Variants in PGF observed in about 807,000 individuals in gnomAD.
PGF encodes the protein placenta growth factor.
In PGF, 11 loss-of-function variants were observed where a neutral mutation model predicts 25.3. That is an observed-to-expected ratio of 0.43 (90% confidence interval 0.27 to 0.72). The LOEUF is 0.72. PGF is among the 30% of genes least tolerant of loss of function. PGF has a pLI of 0.18. For missense variants in PGF, 230 were observed against 234.9 expected, an observed-to-expected ratio of 0.98 and a Z score of 0.14; for synonymous variants, 105 against 97.9, an observed-to-expected ratio of 1.07 and a Z score of -0.43.
chr14:74,950,819 C>T lies in PGF; in HGVS notation c.119-1266G>A, dbSNP rs1027751029. Among the ~76,000 whole-genome samples, 1 of 152,270 alleles carries T rather than the reference C, an allele frequency of 6.6e-6. No homozygotes were observed. The highest frequency in any genetic ancestry group is 3.4e-3 in the Middle Eastern group (1 of 292). On this transcript the variant is annotated intron_variant, in intron 2 of 6. Coordinates refer to ENST00000555567, the MANE Select transcript of PGF (RefSeq NM_002632.6). The surrounding 1 kb of genome is among the most constrained non-coding windows in gnomAD (Gnocchi z 4.1). ...CAGAGACCATGGACAGAGAAACACC[C>T]CCAGGCCTGGGTCATCCTGCTCTGC...
intron 4 of PGF, chr14:74,948,217 C>T (rs566171987): frequency 7.9e-4 from 250 of 315,464 alleles, no homozygotes; most frequent in African/African-American, 4.9e-3. Flanking sequence ...CGACACGCAC[C>T]GAACCCCTGC....
intron 3 of PGF, among the ~76,000 whole-genome samples, chr14:74,949,086 C>G (rs1386707017): frequency 6.6e-6 from 1 of 152,218 alleles, no homozygotes; most frequent in Non-Finnish European, 1.5e-5. Flanking sequence ...TCAACAGGGA[C>G]TTTATACAAG....
chr14:74,954,187 C>A lies in PGF; in HGVS notation c.76-241G>T, dbSNP rs1566860095. 5.4e-6 allele frequency: 3 copies of A among 560,076 alleles called. No homozygotes were observed. The East Asian group carries it at 9.0e-5, about 17-fold the overall frequency. 34.7% of individuals were successfully genotyped at this position (560,076 alleles called of 1,614,324 possible). A position where few individuals can be genotyped will look rare whatever the true frequency, so the allele number is the denominator to read the frequency against. On this transcript the variant is annotated intron_variant, in intron 1 of 6. Coordinates refer to ENST00000555567, the MANE Select transcript of PGF (RefSeq NM_002632.6). The stretch of plus-strand genomic sequence containing the variant: ...TTGGAAAAGGATGGGAGGCTAGAAG[C>A]TTTTGGAGACCCTTGGCCTGCTGCA...
chr14:74,946,503 G>T, intron 4 of PGF, 95 bp from the exon 5 acceptor site: 2 of 1,228,494 alleles, frequency 1.6e-6, no homozygotes, highest in Non-Finnish European at 2.3e-6. Context: ...GACATCCCCA[G>T]TCCTGGTCCT....
Position 74,953,265 on chromosome 14 carries a change from C to T in PGF, c.118+639G>A, listed in dbSNP as rs533715787. 1.2e-4 allele frequency among the ~76,000 whole-genome samples: 19 copies of T among 152,312 alleles called. No individual in the cohort carries two copies. The highest frequency in any genetic ancestry group is 4.6e-4 in the Admixed American group (7 of 15,306). On this transcript the variant is annotated intron_variant, in intron 2 of 6. Transcript: ENST00000555567. This position sits in a 1 kb window ranked among gnomAD's most constrained non-coding sequence, Gnocchi z 5.4. ...AGCGGTGGTGTGTGGCCACTTTGCA[C>T]GTCTTGGAGAGGCAGGGAGGGAGGA...
At chr14:74,942,796 CT>C in intron 6 of PGF, 63 bp from the exon 7 acceptor site, 3 of 1,518,322 alleles carry the variant, frequency 2.0e-6, no homozygotes, top group African/African-American at 1.4e-5. Context: ...CGGTCTCCTC[CT>C]ATGGAGGAGG....
chr14:74,955,131 G>T lies in PGF; in HGVS notation c.75+37C>A. The T allele has an allele frequency of 7.9e-7, 1 of 1,272,170 alleles. No homozygotes were observed. Among genetic ancestry groups the T allele is most frequent in the Non-Finnish European group, 1.1e-6 (1 of 947,476 alleles). The allele number at this position is 1,272,170 out of a possible 1,614,324, so 78.8% of individuals were successfully genotyped here. ...CATGCTTCCAGTGCTGGGATGGGGA[G>T]GTCTGGGGAGCCAGGCTAGGTGGGG... On this transcript the variant is annotated intron_variant, in intron 1 of 6. Transcript: ENST00000555567. This position sits in a 1 kb window ranked among gnomAD's most constrained non-coding sequence, Gnocchi z 4.1.
At chr14:74,951,567 A>C (rs1370474851) in intron 2 of PGF, among the ~76,000 whole-genome samples, 1 of 152,224 alleles carries the variant, frequency 6.6e-6, no homozygotes, top group African/African-American at 2.4e-5. Context: ...GCAGCAGAGA[A>C]GGGGCACCCC....
chr14:74,942,538 C>A lies in PGF; in HGVS notation c.*168G>T. The A allele has an allele frequency of 1.5e-6, 1 of 684,372 alleles. No homozygotes were observed. The highest frequency in any genetic ancestry group is 3.0e-5 in the East Asian group (1 of 33,424). The allele number at this position is 684,372 out of a possible 1,614,324, so 42.4% of individuals were successfully genotyped here. A position where few individuals can be genotyped will look rare whatever the true frequency, so the allele number is the denominator to read the frequency against. On this transcript the variant is annotated 3_prime_UTR_variant, in exon 7 of 7. Coordinates refer to ENST00000555567, the MANE Select transcript of PGF (RefSeq NM_002632.6). ...CTCACGTTGTTGAAGGCACTGAATTCCTGAGGGTCCTGTCCTTCCCTGCCC... is the reference window on the plus strand; with the variant it reads ...CTCACGTTGTTGAAGGCACTGAATTACTGAGGGTCCTGTCCTTCCCTGCCC...
chr14:74,952,392 G>C (rs1288663145), intron 2 of PGF, among the ~76,000 whole-genome samples: 1 of 152,206 alleles, frequency 6.6e-6, no homozygotes, highest in East Asian at 1.9e-4. Flanking sequence ...ACTTGGTTCT[G>C]CCAGATCCAT....
In PGF at chr14:74,942,235, A is replaced by G. The variant is rs1594982436; in HGVS notation, c.*471T>C. The G allele has an allele frequency of 1.7e-5, 3 of 173,480 alleles. No individual in the cohort carries two copies. The South Asian group carries it at 3.5e-4, about 20-fold the overall frequency. The allele number at this position is 173,480 out of a possible 1,614,324, so 10.7% of individuals were successfully genotyped here. ...CAGAAGAAGAGGGGGAAGTGGCTGGATCCCCTCCGCCCGCTGCCGGCCTTC... is the reference window on the plus strand; with the variant it reads ...CAGAAGAAGAGGGGGAAGTGGCTGGGTCCCCTCCGCCCGCTGCCGGCCTTC... On this transcript the variant is annotated 3_prime_UTR_variant, in exon 7 of 7. Transcript: ENST00000555567.
chr14:74,951,143 A>G (rs1407115741), intron 2 of PGF, among the ~76,000 whole-genome samples: 1 of 152,184 alleles, frequency 6.6e-6, no homozygotes, highest in African/African-American at 2.4e-5. Flanking sequence ...AGAGGCAATA[A>G]ACAGTGTTAT....
At chr14:74,945,762 A>G (rs975935396) in intron 6 of PGF, 2 of 162,624 alleles carry the variant, frequency 1.2e-5, no homozygotes, top group East Asian at 3.4e-4. Context: ...CGAGGGGCAC[A>G]TGTTCCCCGG....
At chr14:74,954,817 G>C (rs1888947874) in intron 1 of PGF, among the ~76,000 whole-genome samples, 1 of 152,230 alleles carries the variant, frequency 6.6e-6, no homozygotes, top group East Asian at 1.9e-4. Context: ...GGGGACGCCT[G>C]GTTGGCCATG....
At position 74,942,721 on chromosome 14, in the gene PGF, A is replaced by G; in HGVS notation, c.498T>C (p.Ala166=). The change falls in exon 7 of 7, where the codon GCT becomes GCC. Residue 166 remains alanine (A), a synonymous_variant. Coordinates refer to ENST00000555567, the MANE Select transcript of PGF (RefSeq NM_002632.6). ...RPTDCHLCGD[A]VPRR The stretch of plus-strand genomic sequence containing the variant: ...AAGGGGTGGGTTACCTCCGGGGAAC[A>G]GCATCGCCGCACCTGCCAGAGACCA... 1 of 1,611,616 alleles carries G rather than the reference A, an allele frequency of 6.2e-7. No homozygotes were observed. The highest frequency in any genetic ancestry group is 8.5e-7 in the Non-Finnish European group (1 of 1,179,024).
intron 1 of PGF, among the ~76,000 whole-genome samples, chr14:74,954,908 AG>A (rs1478479268): frequency 6.6e-6 from 1 of 152,064 alleles, no homozygotes. Context: ...CCAGGGCTCC[AG>A]GGGCCAGACA....
intron 6 of PGF, among the ~76,000 whole-genome samples, chr14:74,943,906 T>C (rs1222636555): frequency 6.6e-6 from 1 of 152,202 alleles, no homozygotes; most frequent in East Asian, 1.9e-4. Flanking sequence ...CAAACTCATA[T>C]ATCATTTTTT....
rs1482128798 is a variant in PGF, at chr14:74,950,331, T to C, written c.119-778A>G. ...GGCCTCTGGCCTCAAGGGGTTGCCT[T>C]ATCTCCGGCACTGCTTGCTCTTATC... On this transcript the variant is annotated intron_variant, in intron 2 of 6. Coordinates refer to ENST00000555567, the MANE Select transcript of PGF (RefSeq NM_002632.6). This position sits in a 1 kb window ranked among gnomAD's most constrained non-coding sequence, Gnocchi z 4.1. 6.6e-6 allele frequency among the ~76,000 whole-genome samples: 1 copy of C among 152,238 alleles called. No homozygotes were observed. Among genetic ancestry groups the C allele is most frequent in the African/African-American group, 2.4e-5 (1 of 41,468 alleles).
At chr14:74,948,427 T>C (rs1454311692) in intron 4 of PGF, 80 bp downstream of exon 4, 1 of 827,482 alleles carries the variant, frequency 1.2e-6, no homozygotes, top group African/African-American at 1.7e-5. Flanking sequence ...CCTTTGCCTC[T>C]GCCCTGGGAC....
Sources: allele counts gnomAD v4.1 joint callset (sites outside exome capture counted in the v4.1 genomes callset), GRCh38; gene constraint gnomAD v4.1.1; non-coding constraint Gnocchi (gnomAD v3.1); transcripts MANE v1.5; gene names NCBI Gene and HGNC (gene_info 2026-07-23, HGNC 2026-07-21).